FANCC: variants seen among roughly 807,000 people sequenced by gnomAD.
The protein encoded by FANCC is Fanconi anemia group C protein.
Under a neutral mutation model 71.3 loss-of-function variants are expected in FANCC, and 55 were observed. The observed-to-expected ratio is 0.77, with a 90% CI of 0.62 to 0.97. The LOEUF is 0.97. Among genes scored for constraint, FANCC ranks in the 50% least tolerant of loss-of-function variants. FANCC has a pLI of 0.00. For synonymous variants in FANCC, 275 were observed against 244.9 expected (o/e 1.12, Z -1.15); for missense variants, 678 against 670.9 (o/e 1.01, Z -0.12).
In FANCC at chr9:95,231,494, A is replaced by G. The variant is rs374022156; in HGVS notation, c.345+9155T>C. Among the ~76,000 whole-genome samples, 6 of 151,828 alleles carry G rather than the reference A, an allele frequency of 4.0e-5. No individual in the cohort carries two copies. In the South Asian group the frequency reaches 6.3e-4, roughly 16 times the overall value. ...GGGATTCGAATGGCAGGCGGGAAGCACTCCAGCAGGGACTCTGGTCTAGCG... is the reference window on the plus strand; with the variant it reads ...GGGATTCGAATGGCAGGCGGGAAGCGCTCCAGCAGGGACTCTGGTCTAGCG... On this transcript the variant is annotated intron_variant, in intron 4 of 14. Coordinates refer to ENST00000289081, the MANE Select transcript of FANCC (RefSeq NM_000136.3).
Position 95,148,784 on chromosome 9 carries a change from T to A in FANCC, c.686+1139A>T, listed in dbSNP as rs190596095. ...CCAATGGGTTTCTAATGTAACAGAG[T>A]ATGGAAAGTTAACTGACATAATTTC... On this transcript the variant is annotated intron_variant, in intron 7 of 14. Coordinates refer to ENST00000289081, the MANE Select transcript of FANCC (RefSeq NM_000136.3). Among the ~76,000 whole-genome samples the A allele has an allele frequency of 2.5e-3, 380 of 152,278 alleles. 1 individual carries two copies. The highest frequency in any genetic ancestry group is 8.9e-3 in the African/African-American group (370 of 41,556).
At chr9:95,311,233 C>CAAA (rs10710492) in intron 1 of FANCC, among the ~76,000 whole-genome samples, 107 of 75,382 alleles carry the variant, frequency 1.4e-3, no homozygotes, top group African/African-American at 2.2e-3. Context: ...GATTCCGTCT[C>CAAA]AAAAAAAAAA....
chr9:95,124,710 T>A (rs1207656970), intron 10 of FANCC, among the ~76,000 whole-genome samples: 1 of 152,166 alleles, frequency 6.6e-6, no homozygotes, highest in Non-Finnish European at 1.5e-5. Flanking sequence ...ATTCATCACA[T>A]GCCATATAGA....
Position 95,279,947 on chromosome 9 carries a change from C to CAAAAA in FANCC, c.-78-30583_-78-30579dup, listed in dbSNP as rs71498957. ...TGAGTGGCAGATCAAGACTCTGTCT[C>CAAAAA]AAAAAAAAAAAAAAAAAAAAAAAAA... On this transcript the variant is annotated intron_variant, in intron 1 of 14. Coordinates refer to ENST00000289081, the MANE Select transcript of FANCC (RefSeq NM_000136.3). Among the ~76,000 whole-genome samples the CAAAAA allele has an allele frequency of 6.8e-4, 44 of 64,760 alleles. No homozygotes were observed. In the East Asian group the frequency reaches 0.015, roughly 22 times the overall value. The allele number at this position is 64,760 out of a possible 152,430, so 42.5% of individuals were successfully genotyped here.
chr9:95,120,579 A>T (rs530528079), intron 10 of FANCC, among the ~76,000 whole-genome samples: 2 of 151,420 alleles, frequency 1.3e-5, no homozygotes, highest in South Asian at 2.1e-4. Flanking sequence ...ATGCCCAGCT[A>T]ATTTTTTATT....
At chr9:95,163,923 T>C (rs1830907416) in intron 6 of FANCC, among the ~76,000 whole-genome samples, 1 of 152,236 alleles carries the variant, frequency 6.6e-6, no homozygotes, top group African/African-American at 2.4e-5. Context: ...TCTTTTTATT[T>C]ATTTATGTCT....
chr9:95,151,865 C>T (rs573479568), intron 6 of FANCC, among the ~76,000 whole-genome samples: 113 of 151,256 alleles, frequency 7.5e-4, no homozygotes, highest in Middle Eastern at 3.5e-3. Context: ...GAGGTCAAGG[C>T]TGCAGTGAGC....
intron 3 of FANCC, among the ~76,000 whole-genome samples, chr9:95,246,210 G>C (rs1349386626): frequency 6.6e-6 from 1 of 152,180 alleles, no homozygotes; most frequent in East Asian, 1.9e-4. Flanking sequence ...TCAAGAACTT[G>C]AAGAAGTTTA....
intron 4 of FANCC, among the ~76,000 whole-genome samples, chr9:95,230,923 C>G (rs1010427060): frequency 6.6e-6 from 1 of 151,828 alleles, no homozygotes; most frequent in African/African-American, 2.4e-5. Flanking sequence ...GCTCATTGGT[C>G]TGTTTTTACA....
At chr9:95,180,990 G>A (rs1453265255) in intron 4 of FANCC, among the ~76,000 whole-genome samples, 1 of 151,980 alleles carries the variant, frequency 6.6e-6, no homozygotes, top group Non-Finnish European at 1.5e-5. Context: ...TGTCTGCATT[G>A]CACGAGCTGA....
At chr9:95,110,593 C>T (rs1178186053) in intron 13 of FANCC, 7 of 1,036,594 alleles carry the variant, frequency 6.8e-6, no homozygotes, top group Non-Finnish European at 7.0e-6. Flanking sequence ...AACTATTTTT[C>T]TTTCCTATGC....
intron 4 of FANCC, among the ~76,000 whole-genome samples, chr9:95,226,891 T>A (rs748000018): frequency 6.6e-6 from 1 of 152,142 alleles, no homozygotes; most frequent in Non-Finnish European, 1.5e-5. Context: ...CAAGGACTGA[T>A]GGATGTAGAG....
intron 13 of FANCC, chr9:95,110,754 T>C (rs569280103): frequency 1.8e-6 from 2 of 1,097,866 alleles, no homozygotes; most frequent in Non-Finnish European, 2.2e-6. Flanking sequence ...GCACTGGCAG[T>C]TGAAGTTTTA....
chr9:95,177,346 G>A (rs1242217548), intron 4 of FANCC, among the ~76,000 whole-genome samples: 1 of 152,186 alleles, frequency 6.6e-6, no homozygotes, highest in Non-Finnish European at 1.5e-5. Flanking sequence ...TCCCATGAAT[G>A]GAGCCTGAAG....
At chr9:95,225,063 A>C (rs1348504042) in intron 4 of FANCC, among the ~76,000 whole-genome samples, 1 of 152,192 alleles carries the variant, frequency 6.6e-6, no homozygotes, top group African/African-American at 2.4e-5. Flanking sequence ...AAGTATAATA[A>C]TCTCTAGGTC....
chr9:95,292,675 G>T, intron 1 of FANCC: 1 of 1,337,688 alleles, frequency 7.5e-7, no homozygotes, highest in Admixed American at 1.7e-5. Context: ...ATGCAGTATA[G>T]CACAGTCAAT....
intron 4 of FANCC, among the ~76,000 whole-genome samples, chr9:95,188,755 T>G (rs1220748564): frequency 1.3e-5 from 2 of 152,182 alleles, no homozygotes; most frequent in East Asian, 3.9e-4. Flanking sequence ...CGCATTTTTA[T>G]GTCCACTCCT....
chr9:95,225,648 A>G (rs1829568599), intron 4 of FANCC, among the ~76,000 whole-genome samples: 1 of 152,252 alleles, frequency 6.6e-6, no homozygotes, highest in Admixed American at 6.5e-5. Flanking sequence ...AATTGGCAAT[A>G]GATGTCTTGA....
In FANCC at chr9:95,249,330, C is replaced by T. The variant is rs751034596; in HGVS notation, c.-39G>A. On this transcript the variant is annotated 5_prime_UTR_variant, in exon 2 of 15. Transcript: ENST00000289081. ...AAAAGGTGATGTCCCTTCACAGCAG[C>T]CTGTCCAGCACTGAAGGAAATGGTC... is the stretch of plus-strand genomic sequence containing the variant. 1.2e-6 allele frequency: 2 copies of T among 1,600,608 alleles called. No individual in the cohort carries two copies. The highest frequency in any genetic ancestry group is 1.7e-6 in the Non-Finnish European group (2 of 1,168,776).
Sources: allele counts gnomAD v4.1 joint callset (sites outside exome capture counted in the v4.1 genomes callset), GRCh38; gene constraint gnomAD v4.1.1; transcripts MANE v1.5; gene names NCBI Gene and HGNC (gene_info 2026-07-23, HGNC 2026-07-21).